RB1: variants seen among roughly 807,000 people sequenced by gnomAD.
RB1 encodes the protein retinoblastoma-associated protein.
RB1 carries 18 observed loss-of-function variants against 135.4 expected under a neutral mutation model. The observed-to-expected ratio is 0.13, with a 90% CI of 0.09 to 0.20. The LOEUF is 0.20. RB1 is among the 10% of genes least tolerant of loss of function. RB1 has a pLI of 1.00. For synonymous variants in RB1, 365 were observed against 373.2 expected, an observed-to-expected ratio of 0.98 and a Z score of 0.25; for missense variants, 868 against 1,110.0, an observed-to-expected ratio of 0.78 and a Z score of 3.10.
chr13:48,420,625 T>C (rs1948990902), intron 17 of RB1, among the ~76,000 whole-genome samples: 1 of 152,210 alleles, frequency 6.6e-6, no homozygotes, highest in African/African-American at 2.4e-5. Flanking sequence ...AATGATTGTC[T>C]ATTTAGAAAA....
At chr13:48,385,644 G>A (rs2138150975) in intron 17 of RB1, among the ~76,000 whole-genome samples, 1 of 152,266 alleles carries the variant, frequency 6.6e-6, no homozygotes, top group African/African-American at 2.4e-5. Context: ...CCCAGATTCT[G>A]TCTGAAATCT....
In RB1 at chr13:48,376,439, G is replaced by T. The variant is rs147345363; in HGVS notation, c.1216-479G>T. Among the ~76,000 whole-genome samples the T allele has an allele frequency of 9.3e-5, 14 of 150,074 alleles. No individual in the cohort carries two copies. The East Asian group carries it at 2.7e-3, about 29-fold the overall frequency. ...CACTTGAACTTGGGAGGCGGAGGTT[G>T]CAGTAAGCCGAGATTGCGCCACTGC... On this transcript the variant is annotated intron_variant, in intron 12 of 26. Transcript: ENST00000267163.
intron 1 of RB1, among the ~76,000 whole-genome samples, chr13:48,306,412 G>C (rs1276179369): frequency 6.7e-6 from 1 of 149,852 alleles, no homozygotes; most frequent in Non-Finnish European, 1.5e-5. Context: ...TTCAAAACAA[G>C]AAAAAAAAAC....
intron 20 of RB1, among the ~76,000 whole-genome samples, chr13:48,461,902 G>A (rs1005561601): frequency 2.0e-5 from 3 of 151,248 alleles, no homozygotes; most frequent in Non-Finnish European, 4.4e-5. Flanking sequence ...GCACGATCTC[G>A]GCTCACGGCA....
chr13:48,324,504 C>G (rs1952267989), intron 2 of RB1, among the ~76,000 whole-genome samples: 1 of 151,286 alleles, frequency 6.6e-6, no homozygotes, highest in South Asian at 2.1e-4. Context: ...GCTTATTTCA[C>G]TTAACATGAT....
intron 23 of RB1, among the ~76,000 whole-genome samples, chr13:48,472,663 A>G (rs1053974683): frequency 2.6e-5 from 4 of 152,178 alleles, no homozygotes; most frequent in East Asian, 1.9e-4. Flanking sequence ...ACCAGGCATT[A>G]GGAGAGCATC....
chr13:48,324,895 A>AT (rs1952273870), intron 2 of RB1, among the ~76,000 whole-genome samples: 1 of 150,880 alleles, frequency 6.6e-6, no homozygotes, highest in Admixed American at 6.6e-5. Flanking sequence ...CTGTTTTAAC[A>AT]TAATTATTTG....
chr13:48,453,225 G>T, intron 18 of RB1, 114 bp downstream of exon 18: 1 of 1,101,028 alleles, frequency 9.1e-7, no homozygotes. Flanking sequence ...AATAAGAATA[G>T]TTTCTGTTTT....
chr13:48,361,801 T>G (rs1952643023), intron 7 of RB1, among the ~76,000 whole-genome samples: 1 of 152,184 alleles, frequency 6.6e-6, no homozygotes, highest in South Asian at 2.1e-4. Flanking sequence ...ATAATCAGAT[T>G]GTCTTGAGTT....
intron 2 of RB1, among the ~76,000 whole-genome samples, chr13:48,340,320 A>AAT (rs1325997660): frequency 5.3e-5 from 8 of 152,206 alleles, no homozygotes; most frequent in Non-Finnish European, 1.5e-5. Context: ...TATTCCTTGA[A>AAT]ATATACTTCT....
rs770728170 is a variant in RB1 at position 48,381,344 on chromosome 13, C to A, written c.1596C>A (p.Ile532=). 1 of 1,611,192 alleles carries A rather than the reference C, an allele frequency of 6.2e-7. No individual in the cohort carries two copies. Among genetic ancestry groups the A allele is most frequent in the South Asian group, 1.1e-5 (1 of 90,534 alleles). ...AAGCCTTTGATTTTTACAAAGTGAT[C>A]GAAAGTTTTATCAAAGCAGAAGGCA... The part of the protein sequence containing the change: ...NLKAFDFYKV[I]ESFIKAEGNL... The change falls in exon 17 of 27, where the codon ATC becomes ATA. Residue 532 remains isoleucine (I), a synonymous_variant. Transcript: ENST00000267163.
intron 17 of RB1, among the ~76,000 whole-genome samples, chr13:48,382,037 ATGGC>A (rs1948540461): frequency 6.6e-6 from 1 of 152,054 alleles, no homozygotes; most frequent in Non-Finnish European, 1.5e-5. Context: ...ATCCTTTTTT[ATGGC>A]TGCATAGTAT....
intron 4 of RB1, among the ~76,000 whole-genome samples, chr13:48,347,257 A>G (rs1157812418): frequency 6.6e-6 from 1 of 152,122 alleles, no homozygotes; most frequent in African/African-American, 2.4e-5. Context: ...AAAAATAGAA[A>G]TTCACCAAGC....
intron 23 of RB1, among the ~76,000 whole-genome samples, chr13:48,466,519 A>T: frequency 6.6e-6 from 1 of 152,010 alleles, no homozygotes; most frequent in Non-Finnish European, 1.5e-5. Context: ...CTCCAAAGGA[A>T]CACAGTTCCT....
chr13:48,394,133 C>G (rs1033640945), intron 17 of RB1, among the ~76,000 whole-genome samples: 1 of 152,134 alleles, frequency 6.6e-6, no homozygotes, highest in Non-Finnish European at 1.5e-5. Flanking sequence ...ATCACCTCAC[C>G]CGGGAAGCAC....
Position 48,464,958 on chromosome 13 carries a change from C to CTTTTTTTTTTTTT in RB1, c.2212-28_2212-16dup, listed in dbSNP as rs553094345. The CTTTTTTTTTTTTT allele has an allele frequency of 3.5e-4, 289 of 832,612 alleles. 6 individuals carry two copies. The highest frequency in any genetic ancestry group is 1.4e-3 in the East Asian group (27 of 19,004). 51.6% of individuals were successfully genotyped at this position (832,612 alleles called of 1,614,324 possible). On this transcript the variant is annotated intron_variant, in intron 21 of 26. Transcript: ENST00000267163. ...AAATTCATTTAACAAGTAAATTTTA[C>CTTTTTTTTTTTTT]TTTTTTTTTTTTTTTTTTTTTTTTA...
At chr13:48,390,689 T>A (rs411862) in intron 17 of RB1, among the ~76,000 whole-genome samples, 2 of 152,154 alleles carry the variant, frequency 1.3e-5, no homozygotes, top group Non-Finnish European at 2.9e-5. Flanking sequence ...TGAATTTACC[T>A]CTTTAATCAT....
chr13:48,320,893 T>C (rs1436490356), intron 2 of RB1, among the ~76,000 whole-genome samples: 1 of 151,880 alleles, frequency 6.6e-6, no homozygotes, highest in African/African-American at 2.4e-5. Context: ...TGCAAATGCT[T>C]CTTTGCAGTT....
rs1286855959 is a variant in RB1, at chr13:48,465,501, CATA to C, written c.2489+138_2489+140del. ...AAACTCTATTTGCTTATTTAAGTAACATAATAAGAATATGGGGGCGGGGTGAAG... is the reference window on the plus strand; with the variant it reads ...AAACTCTATTTGCTTATTTAAGTAACATAAGAATATGGGGGCGGGGTGAAG... On this transcript the variant is annotated intron_variant, in intron 23 of 26. Transcript: ENST00000267163. 2.0e-5 allele frequency: 20 copies of C among 1,024,332 alleles called. No individual in the cohort carries two copies. In the South Asian group the frequency reaches 2.3e-4, roughly 12 times the overall value. The allele number at this position is 1,024,332 out of a possible 1,614,324, so 63.5% of individuals were successfully genotyped here. A position where few individuals can be genotyped will look rare whatever the true frequency, so the allele number is the denominator to read the frequency against.
Sources: gnomAD v4.1 joint callset for allele counts (sites outside exome capture counted in the v4.1 genomes callset) on GRCh38, gnomAD v4.1.1 for gene constraint, MANE v1.5 for transcripts, NCBI Gene and HGNC (gene_info 2026-07-23, HGNC 2026-07-21) for gene names.